The following GABRB1 variants were observed in gnomAD, a reference collection of about 807,000 sequenced individuals.
The protein encoded by GABRB1 is gamma-aminobutyric acid receptor subunit beta-1.
In GABRB1, 17 loss-of-function variants were observed where a neutral mutation model predicts 51.6. That is an observed-to-expected ratio of 0.33 (90% CI 0.23 to 0.49). The LOEUF is 0.49. Among genes scored for constraint, GABRB1 ranks in the 20% least tolerant of loss-of-function variants. The pLI is 0.99. For synonymous variants in GABRB1, 247 were observed against 218.9 expected, an observed-to-expected ratio of 1.13 and a Z score of -1.14; for missense variants, 410 against 600.6, an observed-to-expected ratio of 0.68 and a Z score of 3.32.
At chr4:47,001,322 T>G (rs942600360) in intron 1 of GABRB1, among the ~76,000 whole-genome samples, 2 of 151,916 alleles carry the variant, frequency 1.3e-5, no homozygotes, top group East Asian at 1.9e-4. Context: ...TTTTGTATTT[T>G]TAGTAGAGAT....
At chr4:47,044,254 A>G (rs1369736884) in intron 3 of GABRB1, among the ~76,000 whole-genome samples, 1 of 152,070 alleles carries the variant, frequency 6.6e-6, no homozygotes. Flanking sequence ...TGTAGTTTTA[A>G]TAATTAATCT....
At chr4:47,037,687 T>G (rs574257629) in intron 3 of GABRB1, among the ~76,000 whole-genome samples, 1 of 152,162 alleles carries the variant, frequency 6.6e-6, no homozygotes, top group South Asian at 2.1e-4. Context: ...TGAAATACAA[T>G]GAAAATAAAT....
chr4:47,202,837 C>T (rs1719944946), intron 4 of GABRB1, among the ~76,000 whole-genome samples: 1 of 152,056 alleles, frequency 6.6e-6, no homozygotes, highest in Admixed American at 6.6e-5. Flanking sequence ...AGTTGACCAC[C>T]CAAGAAACAG....
intron 4 of GABRB1, among the ~76,000 whole-genome samples, chr4:47,285,899 G>A (rs1023489984): frequency 2.0e-5 from 3 of 152,164 alleles, no homozygotes; most frequent in African/African-American, 4.8e-5. Context: ...TTGCAATGAG[G>A]TTCAACTGCT....
At chr4:47,118,479 A>G (rs1248367780) in intron 3 of GABRB1, among the ~76,000 whole-genome samples, 3 of 152,184 alleles carry the variant, frequency 2.0e-5, no homozygotes, top group Non-Finnish European at 2.9e-5. Context: ...AAAAAAATGA[A>G]TTGAAACCCT....
chr4:47,312,781 C>T (rs755707451), intron 4 of GABRB1, among the ~76,000 whole-genome samples: 38 of 152,240 alleles, frequency 2.5e-4, no homozygotes, highest in African/African-American at 8.7e-4. Context: ...ACTGAGCATA[C>T]ATAATTTGTT....
chr4:47,269,575 T>C (rs1722773683), intron 4 of GABRB1, among the ~76,000 whole-genome samples: 1 of 152,066 alleles, frequency 6.6e-6, no homozygotes, highest in Non-Finnish European at 1.5e-5. Flanking sequence ...AGAAAAGAGA[T>C]TACCTTATAG....
chr4:47,060,713 C>T (rs1352968511), intron 3 of GABRB1, among the ~76,000 whole-genome samples: 3 of 152,026 alleles, frequency 2.0e-5, no homozygotes, highest in East Asian at 3.9e-4. Flanking sequence ...TGTTGGCAGG[C>T]TAATATTAAT....
intron 4 of GABRB1, among the ~76,000 whole-genome samples, chr4:47,303,583 A>G (rs570183984): frequency 6.6e-6 from 1 of 152,096 alleles, no homozygotes; most frequent in South Asian, 2.1e-4. Flanking sequence ...AAGTACAAAT[A>G]TAAGATCAGA....
chr4:47,367,874 A>G lies in GABRB1; in HGVS notation c.545-35444A>G, dbSNP rs1578126396. The stretch of plus-strand genomic sequence containing the variant: ...GCCAGTTTTGGCTGTGCCATGCCCC[A>G]CAAGTTGCCCTTGTCCTTGCAGTAA... On this transcript the variant is annotated intron_variant, in intron 5 of 8. Coordinates refer to ENST00000295454, the MANE Select transcript of GABRB1 (RefSeq NM_000812.4). Among the ~76,000 whole-genome samples the G allele has an allele frequency of 2.6e-5, 4 of 152,336 alleles. No homozygotes were observed. In the South Asian group the frequency reaches 8.3e-4, roughly 32 times the overall value.
At chr4:47,026,716 G>A (rs989213907), upstream of GABRB1, among the ~76,000 whole-genome samples, 10 of 151,910 alleles carry the variant, frequency 6.6e-5, no homozygotes, top group African/African-American at 1.4e-4. Flanking sequence ...AATTCTTTAC[G>A]TAATTTGGGC....
At chr4:47,165,894 C>T (rs1229214403) in intron 4 of GABRB1, among the ~76,000 whole-genome samples, 1 of 152,094 alleles carries the variant, frequency 6.6e-6, no homozygotes, top group Non-Finnish European at 1.5e-5. Flanking sequence ...TAGACATAAA[C>T]TTGAAGGCAA....
At chr4:47,248,838 G>A (rs1356434395) in intron 4 of GABRB1, among the ~76,000 whole-genome samples, 2 of 151,960 alleles carry the variant, frequency 1.3e-5, no homozygotes, top group African/African-American at 4.8e-5. Context: ...TATTGCAGTG[G>A]TGTCAGTTGT....
At chr4:47,262,287 C>A (rs1186613487) in intron 4 of GABRB1, among the ~76,000 whole-genome samples, 1 of 152,168 alleles carries the variant, frequency 6.6e-6, no homozygotes, top group Non-Finnish European at 1.5e-5. Context: ...TTTTCGCAAA[C>A]TACACATCTG....
chr4:47,408,201 T>A (rs889643838), intron 8 of GABRB1, among the ~76,000 whole-genome samples: 28 of 152,192 alleles, frequency 1.8e-4, no homozygotes, highest in Non-Finnish European at 7.3e-5. Flanking sequence ...GAATGACCAT[T>A]TGATCTGATA....
intron 3 of GABRB1, among the ~76,000 whole-genome samples, chr4:47,035,123 C>T (rs1231570041): frequency 1.3e-5 from 2 of 152,014 alleles, no homozygotes; most frequent in African/African-American, 4.8e-5. Flanking sequence ...GGGAAAATGA[C>T]ATAATTGTGC....
intron 1 of GABRB1, among the ~76,000 whole-genome samples, chr4:47,003,329 G>A (rs1163385988): frequency 3.3e-5 from 5 of 152,156 alleles, no homozygotes; most frequent in South Asian, 4.1e-4. Flanking sequence ...TCTGTGGACC[G>A]TTTGCCTAAT....
At position 47,137,169 on chromosome 4, in the gene GABRB1, G is replaced by A. The variant is rs549945393; in HGVS notation, c.241-24080G>A. The stretch of plus-strand genomic sequence containing the variant: ...ACTGGCCTCTAGGAAGTTGAGGGAA[G>A]GAGAGGCTTGGGATAGGTATCAGGA... On this transcript the variant is annotated intron_variant, in intron 3 of 8. Coordinates refer to ENST00000295454, the MANE Select transcript of GABRB1 (RefSeq NM_000812.4). Among the ~76,000 whole-genome samples the A allele has an allele frequency of 2.0e-5, 3 of 152,258 alleles. No homozygotes were observed. In the South Asian group the frequency reaches 6.2e-4, roughly 32 times the overall value.
chr4:47,017,234 A>G (rs1415296558), intron 1 of GABRB1, among the ~76,000 whole-genome samples: 1 of 152,174 alleles, frequency 6.6e-6, no homozygotes, highest in Admixed American at 6.5e-5. Flanking sequence ...GCTTGTGTTA[A>G]CATTCAAGTC....
Sources: allele counts gnomAD v4.1 joint callset (sites outside exome capture counted in the v4.1 genomes callset), GRCh38; gene constraint gnomAD v4.1.1; transcripts MANE v1.5; gene names NCBI Gene and HGNC (gene_info 2026-07-23, HGNC 2026-07-21).